Variants in TRAK1 observed in about 807,000 individuals in gnomAD.
TRAK1 encodes trafficking kinesin-binding protein 1.
Under a neutral mutation model 92.1 loss-of-function variants are expected in TRAK1, and 33 were observed. That is an observed-to-expected ratio of 0.36 (90% CI 0.27 to 0.48). TRAK1 has a LOEUF of 0.48. Among genes scored for constraint, TRAK1 ranks in the 20% least tolerant of loss-of-function variants. The pLI is 0.99. For synonymous variants in TRAK1, 521 were observed against 517.3 expected (o/e 1.01, Z -0.10); for missense variants, 1,123 against 1,257.9 (o/e 0.89, Z 1.62).
upstream of TRAK1, among the ~76,000 whole-genome samples, chr3:42,089,074 A>G (rs556681918): frequency 5.3e-5 from 8 of 152,308 alleles, no homozygotes; most frequent in Admixed American, 3.9e-4. Flanking sequence ...TCAAATGACC[A>G]AAAATGAGCT....
intron 6 of TRAK1, 36 bp downstream of exon 6, chr3:42,189,160 G>A: frequency 6.6e-7 from 1 of 1,525,924 alleles, no homozygotes; most frequent in South Asian, 1.1e-5. Flanking sequence ...CCTGCTAGAA[G>A]GGTGGTGGCC....
At chr3:42,117,274 G>A (rs1017421867) in intron 1 of TRAK1, among the ~76,000 whole-genome samples, 2 of 152,132 alleles carry the variant, frequency 1.3e-5, no homozygotes, top group African/African-American at 2.4e-5. Flanking sequence ...GTGATAGGAC[G>A]AAGTTGAGGG....
rs6803311 is a variant in TRAK1 at position 42,217,044 on chromosome 3, C to G, written c.1964-2450C>G. On this transcript the variant is annotated intron_variant, in intron 14 of 15. Coordinates refer to ENST00000327628, the MANE Select transcript of TRAK1 (RefSeq NM_001042646.3). ...TGGTGACTTCACAGTGAGCCCTCAC[C>G]CAACCCCCCTATTTCCTGCCAAGAA... Among the ~76,000 whole-genome samples the G allele has an allele frequency of 1.4e-3, 207 of 152,074 alleles. 2 individuals carry two copies. Among genetic ancestry groups the G allele is most frequent in the African/African-American group, 4.8e-3 (197 of 41,452 alleles).
chr3:42,052,803 C>G (rs765805922), intron 1 of TRAK1, among the ~76,000 whole-genome samples: 1 of 152,124 alleles, frequency 6.6e-6, no homozygotes, highest in Non-Finnish European at 1.5e-5. Context: ...GAAAGAGTCC[C>G]GTGACACCAC....
intron 2 of TRAK1, among the ~76,000 whole-genome samples, chr3:42,171,116 TGAA>T (rs1157584740): frequency 6.6e-6 from 1 of 152,098 alleles, no homozygotes; most frequent in African/African-American, 2.4e-5. Flanking sequence ...CGCGTGGCCC[TGAA>T]TATCTTTTCT....
At position 42,202,424 on chromosome 3, in the gene TRAK1, T is replaced by G; in HGVS notation, c.1428-12T>G. On this transcript the variant is annotated splice_polypyrimidine_tract_variant and intron_variant, in intron 12 of 15. Coordinates refer to ENST00000327628, the MANE Select transcript of TRAK1 (RefSeq NM_001042646.3). This position sits in a 1 kb window ranked among gnomAD's most constrained non-coding sequence, Gnocchi z 6.1. ...GCTGGCATTCCACCCTCACACCCCT[T>G]TCTTCTTCCAGAAACGATGAGCGGA... The G allele has an allele frequency of 6.8e-7, 1 of 1,474,962 alleles. No individual in the cohort carries two copies. Among genetic ancestry groups the G allele is most frequent in the African/African-American group, 1.4e-5 (1 of 70,984 alleles). 91.4% of individuals were successfully genotyped at this position (1,474,962 alleles called of 1,614,324 possible). A position where few individuals can be genotyped will look rare whatever the true frequency, so the allele number is the denominator to read the frequency against.
intron 1 of TRAK1, among the ~76,000 whole-genome samples, chr3:42,113,375 C>T (rs530880870): frequency 1.3e-5 from 1 of 78,022 alleles, no homozygotes; most frequent in South Asian, 5.9e-4. Flanking sequence ...TACGCCTACC[C>T]CTACCCCTAC....
intron 1 of TRAK1, among the ~76,000 whole-genome samples, chr3:42,026,706 G>A (rs1369491879): frequency 1.3e-5 from 2 of 151,980 alleles, no homozygotes; most frequent in South Asian, 4.1e-4. Flanking sequence ...TGTATTTTTA[G>A]TAGAGATGGA....
intron 1 of TRAK1, among the ~76,000 whole-genome samples, chr3:42,099,972 G>C (rs1400196500): frequency 6.6e-6 from 1 of 152,054 alleles, no homozygotes; most frequent in Non-Finnish European, 1.5e-5. Flanking sequence ...TGAGGATGCA[G>C]CACCATCTAG....
intron 1 of TRAK1, among the ~76,000 whole-genome samples, chr3:42,107,732 C>T (rs1371823841): frequency 2.0e-5 from 3 of 151,936 alleles, no homozygotes; most frequent in East Asian, 1.9e-4. Flanking sequence ...ACAGATAGTA[C>T]CTTTAAAGGT....
At chr3:42,099,000 T>C (rs1480241737) in intron 1 of TRAK1, among the ~76,000 whole-genome samples, 1 of 133,128 alleles carries the variant, frequency 7.5e-6, no homozygotes, top group Non-Finnish European at 1.6e-5. Context: ...GGGGTCTCCA[T>C]GGAATAGCGG....
At chr3:42,133,252 C>T (rs1205835865) in intron 2 of TRAK1, among the ~76,000 whole-genome samples, 1 of 152,198 alleles carries the variant, frequency 6.6e-6, no homozygotes, top group Non-Finnish European at 1.5e-5. Flanking sequence ...CAGCCAGCCT[C>T]GTTCCACCCT....
At chr3:42,020,161 G>A (rs528096384) in intron 1 of TRAK1, among the ~76,000 whole-genome samples, 62 of 152,336 alleles carry the variant, frequency 4.1e-4, no homozygotes, top group African/African-American at 1.5e-3. Context: ...CTGACTTTTG[G>A]TTGCTACTGT....
chr3:42,199,884 G>A, intron 11 of TRAK1, among the ~76,000 whole-genome samples: 1 of 152,300 alleles, frequency 6.6e-6, no homozygotes, highest in East Asian at 1.9e-4. Flanking sequence ...ATAGCTACAC[G>A]TTTTTATCTT....
chr3:42,072,112 C>T (rs1449628479), intron 1 of TRAK1, among the ~76,000 whole-genome samples: 1 of 152,212 alleles, frequency 6.6e-6, no homozygotes, highest in Non-Finnish European at 1.5e-5. Flanking sequence ...GCGTCGTGCC[C>T]CTTGGCTGGC....
chr3:42,149,450 C>G (rs938644079), intron 2 of TRAK1: 69 of 1,529,160 alleles, frequency 4.5e-5, no homozygotes, highest in Non-Finnish European at 5.9e-5. Flanking sequence ...GTCCAGTATT[C>G]TGGAAGGGCG....
At chr3:42,177,855 G>A (rs1010925830) in intron 3 of TRAK1, among the ~76,000 whole-genome samples, 5 of 152,104 alleles carry the variant, frequency 3.3e-5, no homozygotes, top group African/African-American at 1.2e-4. Context: ...ATCCTCTGAC[G>A]TGGGGAAGTC....
At chr3:42,023,744 GTTTTTTTTTTTTTT>G (rs780080581) in intron 1 of TRAK1, among the ~76,000 whole-genome samples, 2 of 99,052 alleles carry the variant, frequency 2.0e-5, no homozygotes, top group East Asian at 5.7e-4. Context: ...GCTCGTGAGG[GTTTTTTTTTTTTTT>G]TTTTTTTTTT....
At chr3:42,047,234 C>T (rs923471322) in intron 1 of TRAK1, among the ~76,000 whole-genome samples, 12 of 135,654 alleles carry the variant, frequency 8.8e-5, no homozygotes, top group Non-Finnish European at 1.2e-4. Flanking sequence ...TTAAATCTGT[C>T]GCCCAGGCTG....
Sources: gnomAD v4.1 joint callset for allele counts (sites outside exome capture counted in the v4.1 genomes callset) on GRCh38, gnomAD v4.1.1 for gene constraint, Gnocchi (gnomAD v3.1) non-coding constraint, MANE v1.5 for transcripts, NCBI Gene and HGNC (gene_info 2026-07-23, HGNC 2026-07-21) for gene names.